CAGE1: variants seen among roughly 807,000 people sequenced by gnomAD.
CAGE1 encodes the protein cancer-associated gene 1 protein.
A neutral mutation model predicts 94.9 loss-of-function variants in CAGE1; 66 were observed. The ratio of observed to expected loss-of-function variants is 0.70; its 90% CI spans 0.57 to 0.85. The LOEUF (loss-of-function observed/expected upper bound fraction) is 0.85. CAGE1 is among the 40% of genes least tolerant of loss of function. The pLI, the probability that CAGE1 is intolerant of heterozygous loss-of-function variation, is 0.00. For missense variants in CAGE1, 865 were observed against 950.4 expected (o/e 0.91, Z 1.18); for synonymous variants, 319 against 321.0 (o/e 0.99, Z 0.07).
rs1287407168 is a variant in CAGE1 at position 7,362,323 on chromosome 6, G to A, written c.2193+3145C>T. ...CTATTTTACTGAAGATGGGATCTAG[G>A]AGGAACTTACTATGAGCCTCTTTGA... On this transcript the variant is annotated intron_variant, in intron 9 of 13. Transcript: ENST00000502583. The surrounding 1 kb of genome is among the most constrained non-coding windows in gnomAD (Gnocchi z 4.1). 1.3e-5 allele frequency among the ~76,000 whole-genome samples: 2 copies of A among 152,168 alleles called. No individual in the cohort carries two copies. The highest frequency in any genetic ancestry group is 2.9e-5 in the Non-Finnish European group (2 of 68,034).
chr6:7,358,674 C>G lies in CAGE1; in HGVS notation c.2194-2545G>C, dbSNP rs553809123. Among the ~76,000 whole-genome samples the G allele has an allele frequency of 5.9e-5, 9 of 152,090 alleles. No homozygotes were observed. The South Asian group carries it at 1.9e-3, about 32-fold the overall frequency. The stretch of plus-strand genomic sequence containing the variant: ...TAGGCAACATAGCAAGACTCCAGCT[C>G]TACAAAAAAAATTTTTTTTAATTAG... On this transcript the variant is annotated intron_variant, in intron 9 of 13. Coordinates refer to ENST00000502583, the MANE Select transcript of CAGE1 (RefSeq NM_001170692.2).
At chr6:7,346,880 A>C in intron 11 of CAGE1, among the ~76,000 whole-genome samples, 1 of 152,128 alleles carries the variant, frequency 6.6e-6, no homozygotes. Flanking sequence ...AGAAGAAAGA[A>C]AGAAGATTCT....
In CAGE1 at chr6:7,376,888, CA is replaced by C. The variant is rs1392407200; in HGVS notation, c.687+1728del. Among the ~76,000 whole-genome samples, 12 of 152,312 alleles carry C rather than the reference CA, an allele frequency of 7.9e-5. No homozygotes were observed. In the East Asian group the frequency reaches 1.9e-3, roughly 25 times the overall value. On this transcript the variant is annotated intron_variant, in intron 4 of 13. Transcript: ENST00000502583. Reference sequence around the variant, plus strand: ...ATCATTTCTTCAGGGATGCCTTCCCCAGACTCCCTGATCAGGGTAGTGTCCT... The same window carrying C: ...ATCATTTCTTCAGGGATGCCTTCCCCGACTCCCTGATCAGGGTAGTGTCCT...
chr6:7,385,306 C>T (rs1761082632), intron 3 of CAGE1, among the ~76,000 whole-genome samples: 1 of 144,648 alleles, frequency 6.9e-6, no homozygotes. Context: ...TGCCTGGCCC[C>T]CGCTTTTTTT....
intron 11 of CAGE1, among the ~76,000 whole-genome samples, chr6:7,352,300 A>AAAC (rs1554137855): frequency 1.2e-3 from 139 of 115,896 alleles, no homozygotes; most frequent in African/African-American, 2.5e-3. Context: ...CAAAAAAAAA[A>AAAC]AAAAACAAAA....
At chr6:7,377,999 G>T (rs1760812880) in intron 4 of CAGE1, among the ~76,000 whole-genome samples, 1 of 152,132 alleles carries the variant, frequency 6.6e-6, no homozygotes, top group African/African-American at 2.4e-5. Context: ...ATATGACAGA[G>T]AAATCTTGTT....
chr6:7,330,681 T>C lies in CAGE1; in HGVS notation c.2439-793A>G, dbSNP rs139049945. On this transcript the variant is annotated intron_variant, in intron 12 of 13. Coordinates refer to ENST00000502583, the MANE Select transcript of CAGE1 (RefSeq NM_001170692.2). ...TGAGTGCCGAATATACTGAGATCAA[T>C]TGGGCCAGTCATCACAGGCTTCACA... 3.3e-3 allele frequency among the ~76,000 whole-genome samples: 504 copies of C among 152,258 alleles called. 4 individuals carry two copies. Among genetic ancestry groups the C allele is most frequent in the African/African-American group, 0.011 (469 of 41,542 alleles).
chr6:7,331,459 C>A, intron 12 of CAGE1: 2 of 460,810 alleles, frequency 4.3e-6, no homozygotes, highest in Non-Finnish European at 4.0e-6. Context: ...GCAGAACCAG[C>A]CACTCCTAAT....
At chr6:7,368,647 T>C (rs1192824250) in intron 7 of CAGE1, 41 bp downstream of exon 7, 1 of 1,077,604 alleles carries the variant, frequency 9.3e-7, no homozygotes, top group Admixed American at 2.9e-5. Flanking sequence ...ATTTTTTCAC[T>C]AAAAATAATA....
chr6:7,332,433 G>T (rs1034170956), intron 12 of CAGE1, among the ~76,000 whole-genome samples: 6 of 152,164 alleles, frequency 3.9e-5, no homozygotes, highest in Non-Finnish European at 8.8e-5. Context: ...GGCCTCCTTG[G>T]GCAGAGCTGA....
At chr6:7,332,626 C>T (rs564740652) in intron 12 of CAGE1, among the ~76,000 whole-genome samples, 69 of 152,266 alleles carry the variant, frequency 4.5e-4, no homozygotes, top group African/African-American at 1.6e-3. Context: ...TTAGGGAACA[C>T]GTTTCAAAGC....
Position 7,379,116 on chromosome 6 carries a change from C to T in CAGE1, c.284-96G>A, listed in dbSNP as rs1203256954. On this transcript the variant is annotated intron_variant, in intron 3 of 13. Transcript: ENST00000502583. The stretch of plus-strand genomic sequence containing the variant: ...TATTTATCAAATAAACTGCTGTAGC[C>T]ACTTAAAAATTATATATTATTTCAA... The T allele has an allele frequency of 5.5e-6, 4 of 733,674 alleles. No individual in the cohort carries two copies. The African/African-American group carries it at 7.2e-5, about 13-fold the overall frequency. The allele number at this position is 733,674 out of a possible 1,614,324, so 45.4% of individuals were successfully genotyped here.
intron 7 of CAGE1, 136 bp downstream of exon 7, chr6:7,368,552 G>A (rs1268943788): frequency 9.6e-5 from 49 of 507,778 alleles, no homozygotes; most frequent in Non-Finnish European, 1.5e-4. Context: ...TTTAGTGAGG[G>A]GCACAGTAAA....
At chr6:7,360,905 C>A in intron 9 of CAGE1, among the ~76,000 whole-genome samples, 1 of 152,234 alleles carries the variant, frequency 6.6e-6, no homozygotes, top group Non-Finnish European at 1.5e-5. Context: ...CGAGATCACG[C>A]CAGTGCACTC....
chr6:7,345,573 A>G (rs965744096), intron 11 of CAGE1, among the ~76,000 whole-genome samples: 1 of 152,208 alleles, frequency 6.6e-6, no homozygotes. Flanking sequence ...CTTTTAGAAA[A>G]ACAATGTCAC....
At chr6:7,333,460 C>T (rs1758823051) in intron 12 of CAGE1, among the ~76,000 whole-genome samples, 1 of 151,998 alleles carries the variant, frequency 6.6e-6, no homozygotes, top group African/African-American at 2.4e-5. Context: ...AGTGACTGTA[C>T]ATTCCATGAA....
chr6:7,345,358 C>CT (rs1362835131), intron 11 of CAGE1, among the ~76,000 whole-genome samples: 1 of 151,308 alleles, frequency 6.6e-6, no homozygotes, highest in African/African-American at 2.4e-5. Flanking sequence ...AAACTCTGAA[C>CT]ACATCAGAAC....
At chr6:7,337,793 C>A (rs1407679291) in intron 11 of CAGE1, among the ~76,000 whole-genome samples, 1 of 152,158 alleles carries the variant, frequency 6.6e-6, no homozygotes, top group Non-Finnish European at 1.5e-5. Flanking sequence ...AGTTTCCCTC[C>A]CATTTTATCC....
intron 11 of CAGE1, chr6:7,338,739 C>G: frequency 2.9e-6 from 2 of 681,798 alleles, no homozygotes; most frequent in East Asian, 2.7e-5. Context: ...CCAAAGTCCA[C>G]TGTATCATTC....
Sources: allele counts gnomAD v4.1 joint callset (sites outside exome capture counted in the v4.1 genomes callset), GRCh38; gene constraint gnomAD v4.1.1; non-coding constraint Gnocchi (gnomAD v3.1); transcripts MANE v1.5; gene names NCBI Gene and HGNC (gene_info 2026-07-23, HGNC 2026-07-21).